The following FSD1L variants were observed in gnomAD, a reference collection of about 807,000 sequenced individuals.
FSD1L encodes FSD1-like protein.
Under a neutral mutation model 71.6 loss-of-function variants are expected in FSD1L, and 45 were observed. The observed-to-expected ratio is 0.63, with a 90% CI of 0.49 to 0.81. The LOEUF (loss-of-function observed/expected upper bound fraction) is 0.81, where lower values mean the gene tolerates loss of function less well. FSD1L is among the 30% of genes least tolerant of loss of function. The pLI is 0.00. For missense variants in FSD1L, 561 were observed against 618.1 expected, an observed-to-expected ratio of 0.91 and a Z score of 0.98; for synonymous variants, 197 against 207.2, an observed-to-expected ratio of 0.95 and a Z score of 0.42.
intron 13 of FSD1L, among the ~76,000 whole-genome samples, chr9:105,543,201 G>A (rs1836741194): frequency 6.6e-6 from 1 of 152,006 alleles, no homozygotes; most frequent in Non-Finnish European, 1.5e-5. Context: ...TAGTTACTTA[G>A]TAGATATTGA....
At chr9:105,480,558 C>G (rs2771044) in intron 6 of FSD1L, among the ~76,000 whole-genome samples, 36,802 of 152,160 alleles carry the variant, frequency 0.24, 4,928 homozygotes, top group Non-Finnish European at 0.31. Context: ...TCCCAAAGTG[C>G]TGGGATTACA....
chr9:105,453,493 T>TTGTG (rs146784407), intron 1 of FSD1L, among the ~76,000 whole-genome samples: 5 of 150,556 alleles, frequency 3.3e-5, no homozygotes, highest in African/African-American at 7.3e-5. Flanking sequence ...TATTTTTATT[T>TTGTG]TGTGTGTGTG....
rs543986880 is a variant in FSD1L at position 105,543,647 on chromosome 9, T to C, written c.1468-2711T>C. ...CCCTTCCTGTGTCCATGTGTTTTCA[T>C]TGTTCAGTTCCCACCTATGAGTGAG... is the stretch of plus-strand genomic sequence containing the variant. On this transcript the variant is annotated intron_variant, in intron 13 of 13. Coordinates refer to ENST00000481272, the MANE Select transcript of FSD1L (RefSeq NM_001145313.3). Among the ~76,000 whole-genome samples the C allele has an allele frequency of 3.3e-5, 5 of 152,198 alleles. No homozygotes were observed. In the South Asian group the frequency reaches 1.0e-3, roughly 32 times the overall value.
intron 10 of FSD1L, among the ~76,000 whole-genome samples, chr9:105,513,416 A>G (rs1834513861): frequency 6.6e-6 from 1 of 152,180 alleles, no homozygotes; most frequent in Admixed American, 6.5e-5. Flanking sequence ...AAGTCAAAAC[A>G]TGGGATCCTC....
intron 7 of FSD1L, among the ~76,000 whole-genome samples, chr9:105,485,904 A>G (rs1402259532): frequency 1.3e-5 from 2 of 152,038 alleles, no homozygotes; most frequent in East Asian, 1.9e-4. Context: ...CGGCCTCCCA[A>G]AGTGCTGGGA....
rs1173961100 is a variant in FSD1L at position 105,523,571 on chromosome 9, C to T, written c.1025+10635C>T. The T allele has an allele frequency of 3.7e-6, 6 of 1,611,704 alleles. No individual in the cohort carries two copies. The African/African-American group carries it at 8.0e-5, about 22-fold the overall frequency. ...TAGCTAAGATTAGAGATAACCTCGG[C>T]ATTTCAGCTGATAACCTGACCTCCC... On this transcript the variant is annotated intron_variant, in intron 10 of 13. Transcript: ENST00000481272.
chr9:105,459,827 T>C (rs1490622379), intron 1 of FSD1L, among the ~76,000 whole-genome samples: 1 of 152,240 alleles, frequency 6.6e-6, no homozygotes, highest in Non-Finnish European at 1.5e-5. Flanking sequence ...AGTGGTGTAT[T>C]GTAGCCAAGG....
At chr9:105,535,356 G>T (rs1034360769) in intron 12 of FSD1L, 38 bp downstream of exon 12, 2 of 1,546,742 alleles carry the variant, frequency 1.3e-6, no homozygotes, top group Non-Finnish European at 8.7e-7. Flanking sequence ...CATCATAGTT[G>T]CTTGCATTTC....
intron 3 of FSD1L, among the ~76,000 whole-genome samples, chr9:105,466,676 G>A (rs1398830033): frequency 6.8e-6 from 1 of 146,176 alleles, no homozygotes; most frequent in Admixed American, 6.9e-5. Flanking sequence ...CTGGGTGATA[G>A]AGTGAGACTC....
intron 7 of FSD1L, among the ~76,000 whole-genome samples, chr9:105,505,109 G>C (rs1589034349): frequency 1.3e-5 from 2 of 152,306 alleles, no homozygotes; most frequent in South Asian, 4.1e-4. Flanking sequence ...TAAATGTATA[G>C]TGTCTTATAT....
At chr9:105,523,772 C>T (rs951590603) in intron 10 of FSD1L, 2 of 1,597,046 alleles carry the variant, frequency 1.3e-6, no homozygotes, top group African/African-American at 1.3e-5. Context: ...CACATTTCTA[C>T]AATATAATGC....
upstream of FSD1L, among the ~76,000 whole-genome samples, chr9:105,444,859 A>C (rs1170194501): frequency 6.6e-6 from 1 of 152,200 alleles, no homozygotes; most frequent in African/African-American, 2.4e-5. Flanking sequence ...AATCACCTAG[A>C]GGAAATGCTA....
chr9:105,448,729 C>T (rs1006303953), intron 1 of FSD1L, among the ~76,000 whole-genome samples: 1 of 152,064 alleles, frequency 6.6e-6, no homozygotes, highest in Non-Finnish European at 1.5e-5. Context: ...CTTTGTACCG[C>T]CCACCGCTCC....
chr9:105,510,835 A>G (rs780122447), intron 9 of FSD1L, among the ~76,000 whole-genome samples: 4 of 152,146 alleles, frequency 2.6e-5, no homozygotes, highest in Non-Finnish European at 4.4e-5. Flanking sequence ...TAGTACCAAG[A>G]AAGCAGCCAC....
At chr9:105,516,901 C>G (rs1432353062) in intron 10 of FSD1L, among the ~76,000 whole-genome samples, 1 of 152,094 alleles carries the variant, frequency 6.6e-6, no homozygotes, top group Non-Finnish European at 1.5e-5. Context: ...ATGTTCTAAC[C>G]TAATGCAAGG....
At chr9:105,460,437 A>C (rs1182562115) in intron 1 of FSD1L, among the ~76,000 whole-genome samples, 1 of 151,916 alleles carries the variant, frequency 6.6e-6, no homozygotes, top group Non-Finnish European at 1.5e-5. Flanking sequence ...CAAAAAATAC[A>C]AAAAATTAGC....
chr9:105,546,390 G>C lies in FSD1L; in HGVS notation c.1500G>C (p.Gly500=). The stretch of plus-strand genomic sequence containing the variant: ...GTGGTGGACTTTCTTTGAGTACTGG[G>C]ATGCAGGTTCCAAGTGCTGTGAGAA... ...VWCGGLSLST[G]MQVPSAVRTL... is the part of the protein sequence containing the mutation. The change falls in exon 14 of 14, where the codon GGG becomes GGC. Residue 500 remains glycine (G), a synonymous_variant. Coordinates refer to ENST00000481272, the MANE Select transcript of FSD1L (RefSeq NM_001145313.3). 1 of 1,550,100 alleles carries C rather than the reference G, an allele frequency of 6.5e-7. No individual in the cohort carries two copies. Among genetic ancestry groups the C allele is most frequent in the Non-Finnish European group, 8.7e-7 (1 of 1,146,070 alleles).
intron 3 of FSD1L, among the ~76,000 whole-genome samples, chr9:105,466,884 A>G (rs763578424): frequency 5.3e-5 from 8 of 152,132 alleles, no homozygotes; most frequent in African/African-American, 1.7e-4. Flanking sequence ...CTTCTGATTG[A>G]TAAATTATTA....
chr9:105,462,966 CG>C (rs1175112412), intron 2 of FSD1L, among the ~76,000 whole-genome samples: 1 of 150,964 alleles, frequency 6.6e-6, no homozygotes, highest in Non-Finnish European at 1.5e-5. Context: ...GGTGAAGCCC[CG>C]TCTCTACTAA....
Sources: gnomAD v4.1 joint callset for allele counts (sites outside exome capture counted in the v4.1 genomes callset) on GRCh38, gnomAD v4.1.1 for gene constraint, MANE v1.5 for transcripts, NCBI Gene and HGNC (gene_info 2026-07-23, HGNC 2026-07-21) for gene names.